The following ADARB2 variants were observed in gnomAD, a reference collection of about 807,000 sequenced individuals.
ADARB2 encodes the protein adenosine deaminase RNA specific B2 (inactive), also known as inactive double-stranded RNA-specific editase B2.
Under a neutral mutation model 62.2 loss-of-function variants are expected in ADARB2, and 25 were observed. The observed-to-expected ratio is 0.40, with a 90% CI of 0.29 to 0.56. ADARB2 has a LOEUF of 0.56. Ranked by LOEUF, ADARB2 falls within the 20% of genes least tolerant of loss-of-function variation. The pLI, the probability that ADARB2 is intolerant of heterozygous loss-of-function variation, is 0.43. For synonymous variants in ADARB2, 572 were observed against 500.8 expected (o/e 1.14, Z -1.90); for missense variants, 1,071 against 1,077.4 (o/e 0.99, Z 0.08).
chr10:1,629,397 A>T (rs1352346303), intron 1 of ADARB2, among the ~76,000 whole-genome samples: 1 of 152,078 alleles, frequency 6.6e-6, no homozygotes, highest in Non-Finnish European at 1.5e-5. Flanking sequence ...TCACAGTGAC[A>T]TTCTAATTCA....
rs982281054 is a variant in ADARB2 at position 1,401,071 on chromosome 10, G to A, written c.101-21911C>T. On this transcript the variant is annotated intron_variant, in intron 1 of 9. Transcript: ENST00000381312. Reference sequence around the variant, plus strand: ...GTATCAGAGAGTCCCAGGACCCCTCGCCAGGGCCCCAGCCTGGCATGAAAT... The same window carrying A: ...GTATCAGAGAGTCCCAGGACCCCTCACCAGGGCCCCAGCCTGGCATGAAAT... 4.6e-5 allele frequency among the ~76,000 whole-genome samples: 7 copies of A among 152,218 alleles called. 1 individual carries two copies. The highest frequency in any genetic ancestry group is 1.7e-4 in the African/African-American group (7 of 41,534).
Position 1,468,830 on chromosome 10 carries a change from G to A in ADARB2, c.101-89670C>T, listed in dbSNP as rs1274744108. Among the ~76,000 whole-genome samples the A allele has an allele frequency of 1.1e-4, 17 of 152,180 alleles. 1 individual carries two copies. The highest frequency in any genetic ancestry group is 6.3e-4 in the South Asian group (3 of 4,790). ...AGGTGATGGTGAGTGGCAAACCTCC[G>A]TGCCCAAGTGGGACACAGCTTGTAC... On this transcript the variant is annotated intron_variant, in intron 1 of 9. Transcript: ENST00000381312.
At chr10:1,382,958 G>C (rs1277523816) in intron 1 of ADARB2, among the ~76,000 whole-genome samples, 1 of 152,220 alleles carries the variant, frequency 6.6e-6, no homozygotes, top group Non-Finnish European at 1.5e-5. Context: ...AACTGACCTG[G>C]GGGACGCAGT....
chr10:1,576,116 C>T, intron 1 of ADARB2, among the ~76,000 whole-genome samples: 1 of 83,142 alleles, frequency 1.2e-5, no homozygotes, highest in Non-Finnish European at 2.4e-5. Context: ...CTCAGAGTCA[C>T]AGGAGGGGGC....
intron 3 of ADARB2, among the ~76,000 whole-genome samples, chr10:1,272,290 A>C (rs1027181495): frequency 6.6e-6 from 1 of 152,112 alleles, no homozygotes; most frequent in African/African-American, 2.4e-5. Flanking sequence ...CCACATTTCC[A>C]CCGGGCGTGT....
intron 4 of ADARB2, among the ~76,000 whole-genome samples, chr10:1,265,934 C>G (rs1287003746): frequency 8.2e-6 from 1 of 122,512 alleles, no homozygotes; most frequent in Non-Finnish European, 1.8e-5. Context: ...CACGCTCCCC[C>G]GGAAGACGGC....
intron 6 of ADARB2, among the ~76,000 whole-genome samples, chr10:1,231,220 G>A (rs908683436): frequency 1.3e-5 from 2 of 152,190 alleles, no homozygotes; most frequent in Admixed American, 6.5e-5. Flanking sequence ...CCAACCCCAA[G>A]CATTTGGCGG....
chr10:1,305,322 G>C (rs1056371938), intron 3 of ADARB2, among the ~76,000 whole-genome samples: 3 of 151,492 alleles, frequency 2.0e-5, no homozygotes, highest in Non-Finnish European at 4.4e-5. Context: ...TAAATTCCTC[G>C]ACACATACAT....
At chr10:1,664,649 TA>T (rs2119093136) in intron 1 of ADARB2, among the ~76,000 whole-genome samples, 1 of 152,336 alleles carries the variant, frequency 6.6e-6, no homozygotes, top group Admixed American at 6.5e-5. Context: ...GGTCGTCTGG[TA>T]GGAGTGCACT....
chr10:1,182,871 G>C lies in ADARB2; in HGVS notation c.*322C>G. ...GAGGCTCACTCCTGCCTGGTGTCGT[G>C]TCGGTGCCTCCTTCCAAGGCTGCAG... On this transcript the variant is annotated 3_prime_UTR_variant, in exon 10 of 10. Transcript: ENST00000381312. 1 of 273,408 alleles carries C rather than the reference G, an allele frequency of 3.7e-6. No individual in the cohort carries two copies. The highest frequency in any genetic ancestry group is 7.0e-6 in the Non-Finnish European group (1 of 142,164). The allele number at this position is 273,408 out of a possible 1,614,324, so 16.9% of individuals were successfully genotyped here. A position where few individuals can be genotyped will look rare whatever the true frequency, so the allele number is the denominator to read the frequency against.
At chr10:1,581,796 C>A (rs906509338) in intron 1 of ADARB2, among the ~76,000 whole-genome samples, 1 of 151,508 alleles carries the variant, frequency 6.6e-6, no homozygotes, top group African/African-American at 2.4e-5. Context: ...CAGATGCACC[C>A]AGATAGGCAT....
At chr10:1,273,361 A>T (rs962005174) in intron 3 of ADARB2, among the ~76,000 whole-genome samples, 3 of 152,148 alleles carry the variant, frequency 2.0e-5, no homozygotes, top group Admixed American at 2.0e-4. Flanking sequence ...TTTGGGCTCA[A>T]ATGATCCTCT....
intron 1 of ADARB2, among the ~76,000 whole-genome samples, chr10:1,462,977 A>C (rs555722565): frequency 8.4e-6 from 1 of 119,140 alleles, no homozygotes; most frequent in South Asian, 2.8e-4. Context: ...CACGTCCTCC[A>C]CTCCGGATGC....
intron 1 of ADARB2, among the ~76,000 whole-genome samples, chr10:1,413,867 CG>C (rs1260059081): frequency 1.9e-4 from 29 of 152,308 alleles, no homozygotes; most frequent in Middle Eastern, 3.4e-3. Flanking sequence ...AAAAGTTTTG[CG>C]ATACCCAGTG....
chr10:1,662,075 A>G (rs1170864580), intron 1 of ADARB2, among the ~76,000 whole-genome samples: 1 of 152,136 alleles, frequency 6.6e-6, no homozygotes, highest in Non-Finnish European at 1.5e-5. Flanking sequence ...GGACCCAGAC[A>G]TGTTACTTTT....
chr10:1,262,304 T>C (rs1363999708), intron 4 of ADARB2, among the ~76,000 whole-genome samples: 2 of 143,190 alleles, frequency 1.4e-5, no homozygotes, highest in East Asian at 3.9e-4. Flanking sequence ...ATAATAATAA[T>C]AATAATAATA....
rs553148277 is a variant in ADARB2 at position 1,620,925 on chromosome 10, T to A, written c.100+116126A>T. Among the ~76,000 whole-genome samples, 3 of 152,264 alleles carry A rather than the reference T, an allele frequency of 2.0e-5. No homozygotes were observed. The East Asian group carries it at 5.8e-4, about 29-fold the overall frequency. On this transcript the variant is annotated intron_variant, in intron 1 of 9. Transcript: ENST00000381312. ...AATCCAGTACTCATTCATGACAAACTCCCTTAACAACTCTGAGTACAATGG... is the reference window on the plus strand; with the variant it reads ...AATCCAGTACTCATTCATGACAAACACCCTTAACAACTCTGAGTACAATGG...
intron 3 of ADARB2, among the ~76,000 whole-genome samples, chr10:1,272,415 T>C (rs1209665464): frequency 1.3e-5 from 2 of 152,228 alleles, no homozygotes; most frequent in Non-Finnish European, 2.9e-5. Context: ...AAAACATGTT[T>C]GTGTGAAAAC....
At chr10:1,549,677 TCA>T (rs1832586403) in intron 1 of ADARB2, among the ~76,000 whole-genome samples, 4 of 152,110 alleles carry the variant, frequency 2.6e-5, no homozygotes, top group Admixed American at 1.3e-4. Context: ...CTCCTCATTG[TCA>T]CAGAGTTGGC....
Sources: gnomAD v4.1 joint callset for allele counts (sites outside exome capture counted in the v4.1 genomes callset) on GRCh38, gnomAD v4.1.1 for gene constraint, MANE v1.5 for transcripts, NCBI Gene and HGNC (gene_info 2026-07-23, HGNC 2026-07-21) for gene names.